FSTL5: variants seen among roughly 807,000 people sequenced by gnomAD.
FSTL5 encodes the protein follistatin-related protein 5.
Under a neutral mutation model 89.1 loss-of-function variants are expected in FSTL5, and 62 were observed. That is an observed-to-expected ratio of 0.70 (90% CI 0.57 to 0.86). FSTL5 has a LOEUF of 0.86. Among genes scored for constraint, FSTL5 ranks in the 40% least tolerant of loss-of-function variants. The pLI, the probability that FSTL5 is intolerant of heterozygous loss-of-function variation, is 0.00. For synonymous variants in FSTL5, 383 were observed against 346.2 expected (o/e 1.11, Z -1.18); for missense variants, 1,057 against 1,001.6 (o/e 1.06, Z -0.75).
chr4:162,078,905 C>T (rs1297898429), intron 2 of FSTL5, among the ~76,000 whole-genome samples: 1 of 151,614 alleles, frequency 6.6e-6, no homozygotes, highest in Admixed American at 6.6e-5. Flanking sequence ...TAAGCAAAAT[C>T]ACTAAACTCT....
intron 10 of FSTL5, among the ~76,000 whole-genome samples, chr4:161,517,430 A>G (rs559898254): frequency 6.6e-6 from 1 of 152,342 alleles, no homozygotes; most frequent in African/African-American, 2.4e-5. Flanking sequence ...TGAAGATAAT[A>G]TACACCTTAT....
intron 7 of FSTL5, among the ~76,000 whole-genome samples, chr4:161,646,367 G>A (rs1295336662): frequency 6.6e-6 from 1 of 150,440 alleles, no homozygotes; most frequent in Non-Finnish European, 1.5e-5. Context: ...TAAAAATTCA[G>A]CAGTTTAGTT....
At chr4:161,769,351 C>T (rs922757554) in intron 5 of FSTL5, among the ~76,000 whole-genome samples, 6 of 151,784 alleles carry the variant, frequency 4.0e-5, no homozygotes, top group Non-Finnish European at 7.4e-5. Context: ...CCAGTATTAC[C>T]CTGATTCCAA....
At chr4:161,464,756 A>G (rs1378832686) in intron 13 of FSTL5, among the ~76,000 whole-genome samples, 2 of 152,070 alleles carry the variant, frequency 1.3e-5, no homozygotes. Context: ...CATGGCAACT[A>G]ATTATTATTA....
At chr4:162,019,325 T>A (rs1364199911) in intron 3 of FSTL5, among the ~76,000 whole-genome samples, 2 of 152,118 alleles carry the variant, frequency 1.3e-5, no homozygotes, top group Non-Finnish European at 2.9e-5. Context: ...TGAAAATGTG[T>A]ACTTCCAGAT....
At chr4:162,013,184 TA>T (rs201396213) in intron 3 of FSTL5, among the ~76,000 whole-genome samples, 7,786 of 141,556 alleles carry the variant, frequency 0.055, 522 homozygotes, top group African/African-American at 0.16. Context: ...GACTCTGTCT[TA>T]AAAAAAAAAA....
At chr4:162,153,070 A>G (rs1733293786) in intron 1 of FSTL5, among the ~76,000 whole-genome samples, 1 of 152,170 alleles carries the variant, frequency 6.6e-6, no homozygotes, top group Non-Finnish European at 1.5e-5. Flanking sequence ...TTAAGGTATT[A>G]TATCCCATCA....
At chr4:161,541,264 C>A (rs185929975) in intron 9 of FSTL5, among the ~76,000 whole-genome samples, 1 of 152,164 alleles carries the variant, frequency 6.6e-6, no homozygotes, top group East Asian at 1.9e-4. Flanking sequence ...ACAGTAATTT[C>A]TTTGCAAGCA....
At chr4:161,616,764 A>G (rs1034708733) in intron 7 of FSTL5, among the ~76,000 whole-genome samples, 23 of 151,770 alleles carry the variant, frequency 1.5e-4, no homozygotes, top group Admixed American at 1.3e-3. Context: ...AGCTTAATAC[A>G]TCGGTGACGA....
chr4:161,892,387 T>C (rs1359616146), intron 4 of FSTL5, among the ~76,000 whole-genome samples: 2 of 152,070 alleles, frequency 1.3e-5, no homozygotes, highest in East Asian at 3.8e-4. Context: ...ATATTTCTAT[T>C]AGTTGTAGTT....
intron 4 of FSTL5, among the ~76,000 whole-genome samples, chr4:161,809,776 T>G (rs912394072): frequency 1.3e-5 from 2 of 152,212 alleles, no homozygotes; most frequent in Admixed American, 1.3e-4. Flanking sequence ...CTACCAAGAA[T>G]AGTTCACATT....
intron 3 of FSTL5, among the ~76,000 whole-genome samples, chr4:161,928,255 G>A (rs1484151647): frequency 1.3e-5 from 2 of 151,684 alleles, no homozygotes; most frequent in Non-Finnish European, 2.9e-5. Flanking sequence ...TCTCTTAACT[G>A]CTGGAAAATA....
intron 4 of FSTL5, among the ~76,000 whole-genome samples, chr4:161,815,135 A>G (rs1233505293): frequency 6.6e-6 from 1 of 152,060 alleles, no homozygotes; most frequent in African/African-American, 2.4e-5. Flanking sequence ...ATTCAAGGTT[A>G]ACAAGTCCGT....
intron 1 of FSTL5, among the ~76,000 whole-genome samples, chr4:162,154,515 TATA>T (rs1398350756): frequency 6.6e-6 from 1 of 152,116 alleles, no homozygotes; most frequent in Non-Finnish European, 1.5e-5. Flanking sequence ...AGAGCATAAA[TATA>T]ATGTTAAATA....
At chr4:161,595,261 G>T (rs1022515570) in intron 7 of FSTL5, among the ~76,000 whole-genome samples, 3 of 151,938 alleles carry the variant, frequency 2.0e-5, no homozygotes, top group African/African-American at 7.2e-5. Flanking sequence ...TGATGTTGAG[G>T]CTCAGCCATG....
At chr4:161,563,877 T>C (rs1174505027) in intron 8 of FSTL5, among the ~76,000 whole-genome samples, 1 of 151,942 alleles carries the variant, frequency 6.6e-6, no homozygotes, top group Non-Finnish European at 1.5e-5. Context: ...TTCTAAGTAG[T>C]AGCGCCTTAC....
intron 6 of FSTL5, among the ~76,000 whole-genome samples, chr4:161,707,458 T>C (rs1467274103): frequency 1.3e-5 from 2 of 151,922 alleles, no homozygotes; most frequent in African/African-American, 4.8e-5. Context: ...TCATGCATCA[T>C]ATATTATGCT....
At chr4:162,104,048 C>T (rs1022278112) in intron 2 of FSTL5, among the ~76,000 whole-genome samples, 1 of 152,182 alleles carries the variant, frequency 6.6e-6, no homozygotes, top group African/African-American at 2.4e-5. Flanking sequence ...TGTTATGGCT[C>T]CAGCTGAGCT....
rs558779365 is a variant in FSTL5, at chr4:161,680,377, T to A, written c.728-23883A>T. Among the ~76,000 whole-genome samples the A allele has an allele frequency of 2.6e-5, 4 of 152,052 alleles. No individual in the cohort carries two copies. In the East Asian group the frequency reaches 5.8e-4, roughly 22 times the overall value. Reference sequence around the variant, plus strand: ...TTTATTACTTCCCTTATGCATTTCCTCACTCCTACAACCTTTCCATCTCCC... The same window carrying A: ...TTTATTACTTCCCTTATGCATTTCCACACTCCTACAACCTTTCCATCTCCC... On this transcript the variant is annotated intron_variant, in intron 6 of 15. Transcript: ENST00000306100.
Sources: gnomAD v4.1 joint callset for allele counts (sites outside exome capture counted in the v4.1 genomes callset) on GRCh38, gnomAD v4.1.1 for gene constraint, MANE v1.5 for transcripts, NCBI Gene and HGNC (gene_info 2026-07-23, HGNC 2026-07-21) for gene names.